Variants in GRID1 observed in about 807,000 individuals in gnomAD.
GRID1 encodes glutamate receptor ionotropic, delta-1.
A neutral mutation model predicts 98.0 loss-of-function variants in GRID1; 28 were observed. That is an observed-to-expected ratio of 0.29 (90% CI 0.21 to 0.39). The LOEUF is 0.39. GRID1 is among the 10% of genes least tolerant of loss of function. The pLI is 1.00. For synonymous variants in GRID1, 553 were observed against 538.5 expected, an observed-to-expected ratio of 1.03 and a Z score of -0.37; for missense variants, 1,111 against 1,340.5, an observed-to-expected ratio of 0.83 and a Z score of 2.67.
chr10:85,937,122 C>T (rs915194917), intron 4 of GRID1, among the ~76,000 whole-genome samples: 1 of 152,196 alleles, frequency 6.6e-6, no homozygotes, highest in African/African-American at 2.4e-5. Flanking sequence ...ATCTGATTCA[C>T]CTGAGCAGCT....
intron 8 of GRID1, among the ~76,000 whole-genome samples, chr10:85,813,994 A>G (rs550394272): frequency 4.0e-5 from 6 of 151,836 alleles, no homozygotes; most frequent in Non-Finnish European, 8.9e-5. Flanking sequence ...AAAATGAAAT[A>G]TTTTTAAAAA....
intron 4 of GRID1, among the ~76,000 whole-genome samples, chr10:85,951,168 G>T (rs1842120563): frequency 6.6e-6 from 1 of 152,198 alleles, no homozygotes; most frequent in Non-Finnish European, 1.5e-5. Context: ...TCTTCCTTGG[G>T]CTGGGGCTGG....
At chr10:85,835,038 G>A (rs182278510) in intron 8 of GRID1, among the ~76,000 whole-genome samples, 1 of 152,208 alleles carries the variant, frequency 6.6e-6, no homozygotes, top group Non-Finnish European at 1.5e-5. Context: ...AAAAGTAGGA[G>A]TGACTATATT....
chr10:86,020,243 C>A (rs1481784794), intron 4 of GRID1, among the ~76,000 whole-genome samples: 1 of 152,206 alleles, frequency 6.6e-6, no homozygotes, highest in African/African-American at 2.4e-5. Flanking sequence ...CAGAGTGGGA[C>A]CTTCACACAT....
At chr10:85,664,055 G>A (rs990588507) in intron 12 of GRID1, among the ~76,000 whole-genome samples, 6 of 152,132 alleles carry the variant, frequency 3.9e-5, no homozygotes, top group African/African-American at 1.4e-4. Flanking sequence ...GGGGAACCTT[G>A]CCATATGGAA....
At chr10:85,656,710 G>A (rs1370537979) in intron 12 of GRID1, among the ~76,000 whole-genome samples, 12 of 152,024 alleles carry the variant, frequency 7.9e-5, no homozygotes, top group East Asian at 1.9e-4. Context: ...CTTATGTATC[G>A]CACATACAAA....
At chr10:85,993,290 A>G (rs75689073) in intron 4 of GRID1, among the ~76,000 whole-genome samples, 3,064 of 152,294 alleles carry the variant, frequency 0.02, 59 homozygotes, top group African/African-American at 0.046. Flanking sequence ...AAGGTAAGCA[A>G]GGCAGTAGGA....
At chr10:86,254,602 G>C (rs1293603541) in intron 2 of GRID1, among the ~76,000 whole-genome samples, 1 of 152,224 alleles carries the variant, frequency 6.6e-6, no homozygotes, top group Non-Finnish European at 1.5e-5. Flanking sequence ...CGGGAGCCTG[G>C]AGTCAGTGTT....
In GRID1 at chr10:85,771,870, G is replaced by A. The variant is rs924830096; in HGVS notation, c.1234-42256C>T. On this transcript the variant is annotated intron_variant, in intron 8 of 15. Transcript: ENST00000327946. ...AGACTTAGACTCCCACACAATAACA[G>A]TGGGAGACTTTAACACCCCACTGTC... Among the ~76,000 whole-genome samples, 7 of 152,032 alleles carry A rather than the reference G, an allele frequency of 4.6e-5. No individual in the cohort carries two copies. The East Asian group carries it at 5.8e-4, about 13-fold the overall frequency.
intron 4 of GRID1, among the ~76,000 whole-genome samples, chr10:86,023,091 G>A (rs985122561): frequency 6.6e-6 from 1 of 152,042 alleles, no homozygotes; most frequent in African/African-American, 2.4e-5. Context: ...CAGGGTGCTT[G>A]GAGGTCCCTG....
At chr10:85,868,602 C>T (rs1843245528) in intron 6 of GRID1, among the ~76,000 whole-genome samples, 1 of 152,210 alleles carries the variant, frequency 6.6e-6, no homozygotes, top group Admixed American at 6.5e-5. Flanking sequence ...ATAGTCCCAT[C>T]TTGCTTTGCA....
intron 8 of GRID1, among the ~76,000 whole-genome samples, chr10:85,733,156 A>G (rs991123668): frequency 3.3e-5 from 5 of 152,248 alleles, no homozygotes; most frequent in Admixed American, 2.6e-4. Flanking sequence ...GTTCAGCCCA[A>G]TATCCATGAT....
intron 2 of GRID1, among the ~76,000 whole-genome samples, chr10:86,221,547 C>G (rs1370130434): frequency 6.6e-6 from 1 of 152,128 alleles, no homozygotes; most frequent in Admixed American, 6.5e-5. Flanking sequence ...TGGGGGTGGA[C>G]AGTCATGTAG....
rs757120024 is a variant in GRID1, at chr10:85,630,471, G to A, written c.2194-10438C>T. On this transcript the variant is annotated intron_variant, in intron 13 of 15. Transcript: ENST00000327946. Reference sequence around the variant, plus strand: ...TTAAAGTTTGGATCCTGATAACAACGCGAGTGCCTTGGAATAAATAGCACG... The same window carrying A: ...TTAAAGTTTGGATCCTGATAACAACACGAGTGCCTTGGAATAAATAGCACG... Among the ~76,000 whole-genome samples the A allele has an allele frequency of 3.3e-5, 5 of 152,278 alleles. No homozygotes were observed. The East Asian group carries it at 5.8e-4, about 18-fold the overall frequency.
chr10:85,772,701 G>T (rs1006515172), intron 8 of GRID1, among the ~76,000 whole-genome samples: 1 of 152,090 alleles, frequency 6.6e-6, no homozygotes, highest in African/African-American at 2.4e-5. Context: ...ACACCTCTAC[G>T]CAAATAAACT....
intron 12 of GRID1, among the ~76,000 whole-genome samples, chr10:85,673,845 AT>A (rs1235253871): frequency 1.3e-5 from 2 of 152,130 alleles, no homozygotes; most frequent in African/African-American, 4.8e-5. Flanking sequence ...TAATAGATCC[AT>A]TTTTTTAACC....
chr10:86,249,491 C>T (rs1846786142), intron 2 of GRID1, among the ~76,000 whole-genome samples: 1 of 152,182 alleles, frequency 6.6e-6, no homozygotes, highest in Non-Finnish European at 1.5e-5. Context: ...GCCCTCAGAC[C>T]AGCCGCACAA....
intron 4 of GRID1, among the ~76,000 whole-genome samples, chr10:85,963,443 G>A (rs1253573917): frequency 2.6e-5 from 4 of 152,132 alleles, no homozygotes; most frequent in Admixed American, 2.6e-4. Flanking sequence ...ACAGTGGACA[G>A]GGTGACTTTT....
intron 4 of GRID1, among the ~76,000 whole-genome samples, chr10:86,066,030 C>A (rs1309212412): frequency 6.6e-6 from 1 of 152,174 alleles, no homozygotes; most frequent in Non-Finnish European, 1.5e-5. Context: ...AAGTTGTTTT[C>A]CTGAGTAGTC....
Sources: allele counts gnomAD v4.1 joint callset (sites outside exome capture counted in the v4.1 genomes callset), GRCh38; gene constraint gnomAD v4.1.1; transcripts MANE v1.5; gene names NCBI Gene and HGNC (gene_info 2026-07-23, HGNC 2026-07-21).